The following NUDCD1 variants were observed in gnomAD, a reference collection of about 807,000 sequenced individuals.
NUDCD1 encodes the protein nudC domain-containing protein 1.
A neutral mutation model predicts 67.8 loss-of-function variants in NUDCD1; 60 were observed. That is an observed-to-expected ratio of 0.88 (90% CI 0.72 to 1.10). NUDCD1 has a LOEUF of 1.10. Among genes scored for constraint, NUDCD1 ranks in the 50% least tolerant of loss-of-function variants. The pLI, the probability that NUDCD1 is intolerant of heterozygous loss-of-function variation, is 0.00. For missense variants in NUDCD1, 643 were observed against 695.0 expected (o/e 0.93, Z 0.84); for synonymous variants, 244 against 230.8 (o/e 1.06, Z -0.52).
chr8:109,282,005 C>T (rs972190831), intron 5 of NUDCD1, among the ~76,000 whole-genome samples: 1 of 152,180 alleles, frequency 6.6e-6, no homozygotes, highest in Non-Finnish European at 1.5e-5. Flanking sequence ...TGCCATCCCC[C>T]GAACCCTGTC....
chr8:109,308,231 G>C (rs1815157600), intron 2 of NUDCD1, among the ~76,000 whole-genome samples: 1 of 152,162 alleles, frequency 6.6e-6, no homozygotes, highest in South Asian at 2.1e-4. Context: ...AATGATCATT[G>C]GGTCAAAAAA....
intron 8 of NUDCD1, among the ~76,000 whole-genome samples, chr8:109,264,654 A>G (rs1462789802): frequency 6.6e-6 from 1 of 152,194 alleles, no homozygotes; most frequent in Non-Finnish European, 1.5e-5. Flanking sequence ...TATCAAAGGA[A>G]AAAACTCACC....
intron 1 of NUDCD1, among the ~76,000 whole-genome samples, chr8:109,330,550 G>C (rs1312061487): frequency 6.6e-6 from 1 of 152,116 alleles, no homozygotes; most frequent in Non-Finnish European, 1.5e-5. Flanking sequence ...CTCATCATGT[G>C]AACTATTGCA....
At chr8:109,268,895 A>C (rs1814073897) in intron 8 of NUDCD1, among the ~76,000 whole-genome samples, 2 of 152,150 alleles carry the variant, frequency 1.3e-5, no homozygotes, top group Non-Finnish European at 2.9e-5. Context: ...TGTCAAAACT[A>C]AACAACATCT....
chr8:109,277,133 A>G (rs1158040839), intron 6 of NUDCD1, among the ~76,000 whole-genome samples: 1 of 152,192 alleles, frequency 6.6e-6, no homozygotes, highest in African/African-American at 2.4e-5. Context: ...TACTGTAAAT[A>G]TTATTATCAT....
intron 4 of NUDCD1, among the ~76,000 whole-genome samples, chr8:109,290,376 A>G (rs1437420629): frequency 6.6e-6 from 1 of 152,134 alleles, no homozygotes; most frequent in African/African-American, 2.4e-5. Flanking sequence ...CTTACTTGGA[A>G]TAACAGCTTC....
At chr8:109,251,858 T>C (rs1813630204) in intron 8 of NUDCD1, among the ~76,000 whole-genome samples, 1 of 152,122 alleles carries the variant, frequency 6.6e-6, no homozygotes, top group South Asian at 2.1e-4. Flanking sequence ...AAGTACTAAA[T>C]TGGGGCACTT....
chr8:109,293,059 G>T, intron 4 of NUDCD1, among the ~76,000 whole-genome samples: 1 of 151,064 alleles, frequency 6.6e-6, no homozygotes, highest in South Asian at 2.1e-4. Flanking sequence ...ATATATTTTT[G>T]TATATATTAA....
At chr8:109,286,876 G>A (rs557915060) in intron 5 of NUDCD1, among the ~76,000 whole-genome samples, 1 of 152,106 alleles carries the variant, frequency 6.6e-6, no homozygotes, top group African/African-American at 2.4e-5. Flanking sequence ...GCACCCAACA[G>A]AAGTCTAATA....
chr8:109,302,808 G>A (rs1475998897), intron 2 of NUDCD1, among the ~76,000 whole-genome samples: 3 of 152,082 alleles, frequency 2.0e-5, no homozygotes, highest in East Asian at 1.9e-4. Context: ...AGACCCAGAG[G>A]GGCCAGAAGG....
intron 2 of NUDCD1, among the ~76,000 whole-genome samples, chr8:109,304,792 A>G (rs1257786454): frequency 1.3e-5 from 2 of 152,186 alleles, no homozygotes; most frequent in Non-Finnish European, 2.9e-5. Context: ...CTGATAATGT[A>G]GCTAAAGAAG....
At chr8:109,275,584 C>T (rs1018353670) in intron 6 of NUDCD1, 88 bp from the exon 7 acceptor site, 9 of 1,244,942 alleles carry the variant, frequency 7.2e-6, no homozygotes, top group African/African-American at 3.0e-5. Context: ...TTTCTATCTT[C>T]TATAGAAAGA....
chr8:109,322,483 A>G lies in NUDCD1; in HGVS notation c.119-20T>C. On this transcript the variant is annotated intron_variant, in intron 1 of 9. Coordinates refer to ENST00000239690, the MANE Select transcript of NUDCD1 (RefSeq NM_032869.4). ...CCACAGCTGAAATACAAGAAAAGCA[A>G]ACATAAACATCAAGAGTTTTGCCTC... The G allele has an allele frequency of 1.9e-6, 3 of 1,573,410 alleles. No homozygotes were observed. Among genetic ancestry groups the G allele is most frequent in the Non-Finnish European group, 2.6e-6 (3 of 1,151,212 alleles).
chr8:109,260,526 T>TA (rs1413562701), intron 8 of NUDCD1, among the ~76,000 whole-genome samples: 1 of 152,084 alleles, frequency 6.6e-6, no homozygotes, highest in Non-Finnish European at 1.5e-5. Context: ...AGCTAAAAAA[T>TA]AGATAATAGG....
intron 8 of NUDCD1, among the ~76,000 whole-genome samples, chr8:109,269,098 T>G (rs1814080737): frequency 1.3e-5 from 2 of 152,182 alleles, no homozygotes; most frequent in Admixed American, 1.3e-4. Context: ...ATTTTTTTAA[T>G]TTAATGACTG....
chr8:109,270,064 GGGC>G (rs1814102307), intron 8 of NUDCD1, among the ~76,000 whole-genome samples: 1 of 69,674 alleles, frequency 1.4e-5, no homozygotes, highest in African/African-American at 5.3e-5. Flanking sequence ...GAGGTGGCGG[GGGC>G]GGGGGGGGGG....
intron 8 of NUDCD1, among the ~76,000 whole-genome samples, chr8:109,266,487 G>A (rs1297828716): frequency 1.4e-5 from 2 of 144,308 alleles, no homozygotes; most frequent in African/African-American, 5.2e-5. Context: ...CTCGTGATCC[G>A]CCCACCTCGG....
intron 2 of NUDCD1, chr8:109,313,675 C>T (rs1815315057): frequency 2.5e-6 from 1 of 402,574 alleles, no homozygotes; most frequent in South Asian, 1.9e-5. Context: ...TACTACATGG[C>T]CCCACACTGC....
chr8:109,265,775 C>T lies in NUDCD1; in HGVS notation c.1299+5230G>A, dbSNP rs1436324748. 7.2e-5 allele frequency among the ~76,000 whole-genome samples: 11 copies of T among 152,014 alleles called. No homozygotes were observed. In the East Asian group the frequency reaches 2.1e-3, roughly 29 times the overall value. Reference sequence around the variant, plus strand: ...TCATAAGGAGTGCATAATCTAGATCCCTTGCATGCACAGTTCACAATAACG... The same window carrying T: ...TCATAAGGAGTGCATAATCTAGATCTCTTGCATGCACAGTTCACAATAACG... On this transcript the variant is annotated intron_variant, in intron 8 of 9. Coordinates refer to ENST00000239690, the MANE Select transcript of NUDCD1 (RefSeq NM_032869.4).
Sources: gnomAD v4.1 joint callset for allele counts (sites outside exome capture counted in the v4.1 genomes callset) on GRCh38, gnomAD v4.1.1 for gene constraint, MANE v1.5 for transcripts, NCBI Gene and HGNC (gene_info 2026-07-23, HGNC 2026-07-21) for gene names.